ANKS1B: variants seen among roughly 807,000 people sequenced by gnomAD.
ANKS1B encodes the protein ankyrin repeat and sterile alpha motif domain containing 1B.
ANKS1B carries 36 observed loss-of-function variants against 148.3 expected under a neutral mutation model. The observed-to-expected ratio is 0.24, with a 90% CI of 0.19 to 0.32. ANKS1B has a LOEUF of 0.32. Among genes scored for constraint, ANKS1B ranks in the 10% least tolerant of loss-of-function variants. The pLI is 1.00. For missense variants in ANKS1B, 1,157 were observed against 1,542.6 expected (o/e 0.75, Z 4.19); for synonymous variants, 542 against 560.8 (o/e 0.97, Z 0.47).
At chr12:98,862,435 T>G (rs1453674371) in intron 17 of ANKS1B, among the ~76,000 whole-genome samples, 1 of 152,170 alleles carries the variant, frequency 6.6e-6, no homozygotes, top group Non-Finnish European at 1.5e-5. Context: ...GACTGGAACA[T>G]AGTGAACACT....
chr12:99,131,629 C>T (rs2066115934), intron 15 of ANKS1B, among the ~76,000 whole-genome samples: 1 of 152,214 alleles, frequency 6.6e-6, no homozygotes, highest in African/African-American at 2.4e-5. Context: ...CTCCCTGTCT[C>T]CTCCTATCTC....
At chr12:99,771,313 T>C (rs941724376) in intron 8 of ANKS1B, among the ~76,000 whole-genome samples, 3 of 152,080 alleles carry the variant, frequency 2.0e-5, no homozygotes, top group African/African-American at 7.2e-5. Flanking sequence ...TCAGGGATAT[T>C]TGCTCAAAAT....
At chr12:98,736,059 T>TAACAGGAGAGGCAGAGAGG (rs2097771365) in intron 9 of ANKS1B, among the ~76,000 whole-genome samples, 1 of 152,142 alleles carries the variant, frequency 6.6e-6, no homozygotes, top group Non-Finnish European at 1.5e-5. Context: ...GTGAGGAGTC[T>TAACAGGAGAGGCAGAGAGG]AACAGGAGAG....
chr12:98,916,560 A>G (rs567735877), intron 17 of ANKS1B, among the ~76,000 whole-genome samples: 227 of 152,364 alleles, frequency 1.5e-3, no homozygotes, highest in African/African-American at 5.1e-3. Flanking sequence ...TCTTTTCAGA[A>G]TGGAATTACA....
At chr12:99,650,264 A>AATGAGAACCCAT in intron 9 of ANKS1B, among the ~76,000 whole-genome samples, 1 of 152,144 alleles carries the variant, frequency 6.6e-6, no homozygotes, top group East Asian at 1.9e-4. Flanking sequence ...CAAAATATAA[A>AATGAGAACCCAT]ATGAGAACCC....
At chr12:99,466,201 C>T (rs371379194) in intron 10 of ANKS1B, among the ~76,000 whole-genome samples, 111 of 152,170 alleles carry the variant, frequency 7.3e-4, no homozygotes, top group Middle Eastern at 3.4e-3. Flanking sequence ...GGGTACATAA[C>T]GAAATGAAGA....
chr12:98,830,751 C>T (rs1264929954), intron 18 of ANKS1B, among the ~76,000 whole-genome samples: 3 of 152,046 alleles, frequency 2.0e-5, no homozygotes, highest in South Asian at 2.1e-4. Context: ...CTCAGCTTTT[C>T]GACGAATTTT....
intron 1 of ANKS1B, among the ~76,000 whole-genome samples, chr12:99,947,045 T>C (rs2095082400): frequency 6.6e-6 from 1 of 152,162 alleles, no homozygotes; most frequent in Non-Finnish European, 1.5e-5. Context: ...GGAGGACCTG[T>C]GGCTCTTTAG....
At chr12:99,859,672 A>T (rs2089735819) in intron 1 of ANKS1B, among the ~76,000 whole-genome samples, 2 of 151,272 alleles carry the variant, frequency 1.3e-5, no homozygotes, top group South Asian at 4.2e-4. Context: ...TTTGAGACAG[A>T]GTCTTGCTCT....
At chr12:99,651,406 T>G (rs2098418518) in intron 9 of ANKS1B, among the ~76,000 whole-genome samples, 1 of 152,122 alleles carries the variant, frequency 6.6e-6, no homozygotes, top group African/African-American at 2.4e-5. Context: ...TAGCCCAGTA[T>G]CATATGATAC....
At chr12:99,148,459 C>G (rs2073905599) in intron 15 of ANKS1B, among the ~76,000 whole-genome samples, 1 of 151,980 alleles carries the variant, frequency 6.6e-6, no homozygotes, top group African/African-American at 2.4e-5. Flanking sequence ...ATGGTCATCC[C>G]TGCACATGCC....
intron 15 of ANKS1B, among the ~76,000 whole-genome samples, chr12:99,092,434 G>A (rs2054347073): frequency 7.0e-6 from 1 of 141,952 alleles, no homozygotes; most frequent in Admixed American, 7.4e-5. Flanking sequence ...GTTAGCAGCT[G>A]TCCTGTGTCC....
chr12:98,994,432 C>T (rs1180069519), intron 17 of ANKS1B, among the ~76,000 whole-genome samples: 2 of 152,082 alleles, frequency 1.3e-5, no homozygotes, highest in Non-Finnish European at 2.9e-5. Context: ...CCTGGCCCAA[C>T]ATGGTGAAAC....
At chr12:99,458,946 A>T (rs544021219) in intron 10 of ANKS1B, among the ~76,000 whole-genome samples, 2 of 152,026 alleles carry the variant, frequency 1.3e-5, no homozygotes, top group African/African-American at 4.8e-5. Flanking sequence ...AAACCAGGAA[A>T]GGACATAACA....
chr12:99,824,103 A>G (rs2082855185), intron 2 of ANKS1B, among the ~76,000 whole-genome samples: 1 of 152,222 alleles, frequency 6.6e-6, no homozygotes, highest in African/African-American at 2.4e-5. Flanking sequence ...AATGAATTTT[A>G]GAATAGTTTT....
chr12:99,217,247 AC>A (rs2153930737), intron 14 of ANKS1B, among the ~76,000 whole-genome samples: 2 of 152,032 alleles, frequency 1.3e-5, no homozygotes, highest in East Asian at 3.9e-4. Context: ...CTCCCCCTGA[AC>A]AACACGACTT....
chr12:99,341,620 T>A (rs748073653), intron 12 of ANKS1B, among the ~76,000 whole-genome samples: 2 of 152,002 alleles, frequency 1.3e-5, no homozygotes, highest in Non-Finnish European at 2.9e-5. Flanking sequence ...AGAAATAAAG[T>A]TCTGTTTTGT....
At chr12:99,223,874 G>C (rs764767352) in intron 14 of ANKS1B, among the ~76,000 whole-genome samples, 13 of 152,292 alleles carry the variant, frequency 8.5e-5, no homozygotes, top group Non-Finnish European at 1.8e-4. Context: ...ACTGTACGTT[G>C]AACTATAGCC....
intron 4 of ANKS1B, among the ~76,000 whole-genome samples, chr12:99,801,235 G>A (rs1350775373): frequency 6.6e-6 from 1 of 152,122 alleles, no homozygotes; most frequent in African/African-American, 2.4e-5. Flanking sequence ...CCCCTGCCTA[G>A]TCCCAGGAGG....
Sources: allele counts gnomAD v4.1 joint callset (sites outside exome capture counted in the v4.1 genomes callset), GRCh38; gene constraint gnomAD v4.1.1; transcripts MANE v1.5; gene names NCBI Gene and HGNC (gene_info 2026-07-23, HGNC 2026-07-21).